Variants in DISC1 observed in about 807,000 individuals in gnomAD.
DISC1 encodes DISC1 scaffold protein, also known as disrupted in schizophrenia 1 protein.
Under a neutral mutation model 84.5 loss-of-function variants are expected in DISC1, and 57 were observed. The ratio of observed to expected loss-of-function variants is 0.67; its 90% confidence interval spans 0.55 to 0.84. The LOEUF is 0.84. DISC1 is among the 40% of genes least tolerant of loss of function. DISC1 has a pLI of 0.00. For missense variants in DISC1, 1,000 were observed against 1,057.8 expected, an observed-to-expected ratio of 0.95 and a Z score of 0.76; for synonymous variants, 411 against 415.2, an observed-to-expected ratio of 0.99 and a Z score of 0.12.
At chr1:231,729,304 G>A (rs1295468209) in intron 3 of DISC1, among the ~76,000 whole-genome samples, 7 of 152,148 alleles carry the variant, frequency 4.6e-5, no homozygotes, top group Non-Finnish European at 5.9e-5. Context: ...ATAAACATAC[G>A]TGTGCATATG....
rs578173791 is a variant in DISC1, at chr1:232,030,858, A to G, written c.2425+4306A>G. Among the ~76,000 whole-genome samples the G allele has an allele frequency of 1.8e-3, 274 of 152,238 alleles. 2 individuals are homozygous for G. The highest frequency in any genetic ancestry group is 6.2e-3 in the African/African-American group (256 of 41,558). ...GCCAGGTGCGGTGGCTTACATCTTA[A>G]TCCCGGCACTTTGGGAGGCTGAGGT... On this transcript the variant is annotated intron_variant, in intron 12 of 12. Transcript: ENST00000439617.
intron 9 of DISC1, among the ~76,000 whole-genome samples, chr1:231,846,356 G>T (rs1412501711): frequency 6.6e-6 from 1 of 152,250 alleles, no homozygotes; most frequent in African/African-American, 2.4e-5. Context: ...GCCTTGGAAT[G>T]CGGGCAGCAT....
intron 11 of DISC1, among the ~76,000 whole-genome samples, chr1:232,025,894 C>T (rs904052469): frequency 3.3e-5 from 5 of 152,166 alleles, no homozygotes; most frequent in African/African-American, 1.2e-4. Context: ...GGCTTAAGCT[C>T]CCATGTATGG....
chr1:231,778,710 G>C (rs1403299564), intron 6 of DISC1, among the ~76,000 whole-genome samples: 2 of 152,198 alleles, frequency 1.3e-5, no homozygotes, highest in Non-Finnish European at 2.9e-5. Flanking sequence ...GAAGAGATTT[G>C]AAAATCCCCC....
chr1:231,870,392 C>G (rs1464476347), intron 9 of DISC1, among the ~76,000 whole-genome samples: 1 of 152,256 alleles, frequency 6.6e-6, no homozygotes, highest in Non-Finnish European at 1.5e-5. Context: ...CTGTCTTCCC[C>G]TCTTTTCCCT....
intron 9 of DISC1, among the ~76,000 whole-genome samples, chr1:231,872,895 T>C (rs200113090): frequency 1.3e-5 from 2 of 152,246 alleles, no homozygotes; most frequent in Non-Finnish European, 2.9e-5. Flanking sequence ...ATTTAAGAAA[T>C]TGGCTTTGAC....
At chr1:231,724,058 G>T in intron 3 of DISC1, 1 of 979,332 alleles carries the variant, frequency 1.0e-6, no homozygotes, top group Non-Finnish European at 1.2e-6. Flanking sequence ...AAAAGTGAAT[G>T]TTGGTCTTCA....
At chr1:231,771,117 C>A in intron 6 of DISC1, 47 bp downstream of exon 6, 1 of 1,516,920 alleles carries the variant, frequency 6.6e-7, no homozygotes. Flanking sequence ...CCTCTTTGAC[C>A]TGTTCATTGG....
At chr1:231,837,607 C>T (rs200834243) in intron 9 of DISC1, among the ~76,000 whole-genome samples, 10 of 152,020 alleles carry the variant, frequency 6.6e-5, no homozygotes, top group African/African-American at 9.7e-5. Flanking sequence ...CTGCTTCACT[C>T]GAAAAACTTA....
chr1:231,806,255 G>A (rs2079699011), intron 8 of DISC1, among the ~76,000 whole-genome samples: 1 of 152,186 alleles, frequency 6.6e-6, no homozygotes, highest in Admixed American at 6.5e-5. Flanking sequence ...CTGATCAGGT[G>A]TCACTCAGTG....
intron 9 of DISC1, among the ~76,000 whole-genome samples, chr1:231,836,159 T>G (rs2082616039): frequency 6.6e-6 from 1 of 152,242 alleles, no homozygotes; most frequent in Non-Finnish European, 1.5e-5. Flanking sequence ...CATCTCATGT[T>G]TTGTACTTCA....
chr1:231,944,734 C>G (rs1005719108), intron 9 of DISC1, among the ~76,000 whole-genome samples: 5 of 152,196 alleles, frequency 3.3e-5, no homozygotes, highest in Non-Finnish European at 5.9e-5. Context: ...ACTGTGCACA[C>G]TCAGAAGCCT....
chr1:231,687,948 G>A (rs2064502979), intron 1 of DISC1, among the ~76,000 whole-genome samples: 1 of 151,762 alleles, frequency 6.6e-6, no homozygotes, highest in Admixed American at 6.6e-5. Flanking sequence ...TTACGTATAT[G>A]TTACCACAAT....
At chr1:231,866,064 A>G (rs922139579) in intron 9 of DISC1, among the ~76,000 whole-genome samples, 1 of 152,144 alleles carries the variant, frequency 6.6e-6, no homozygotes, top group Non-Finnish European at 1.5e-5. Context: ...TACTCAACTC[A>G]TTACTCCTGT....
At chr1:231,762,621 G>C (rs2075848178) in intron 4 of DISC1, among the ~76,000 whole-genome samples, 1 of 151,632 alleles carries the variant, frequency 6.6e-6, no homozygotes, top group African/African-American at 2.4e-5. Flanking sequence ...AAAGTGCTGG[G>C]ATGACAGGCT....
At chr1:231,692,844 C>T (rs1230895028) in intron 1 of DISC1, among the ~76,000 whole-genome samples, 3 of 152,130 alleles carry the variant, frequency 2.0e-5, no homozygotes, top group African/African-American at 4.8e-5. Flanking sequence ...GCTATAGTTT[C>T]GGGTCGGATT....
intron 9 of DISC1, among the ~76,000 whole-genome samples, chr1:231,825,947 T>G (rs7549557): frequency 0.24 from 36,486 of 152,206 alleles, 4,624 homozygotes; most frequent in East Asian, 0.41. Flanking sequence ...CACAGATTTC[T>G]GTATGCACAG....
Position 231,626,838 on chromosome 1 carries a change from G to A in DISC1, c.-30G>A. 1 of 1,428,024 alleles carries A rather than the reference G, an allele frequency of 7.0e-7. No individual in the cohort carries two copies. Among genetic ancestry groups the A allele is most frequent in the Non-Finnish European group, 9.1e-7 (1 of 1,101,794 alleles). The allele number at this position is 1,428,024 out of a possible 1,614,324, so 88.5% of individuals were successfully genotyped here. A position where few individuals can be genotyped will look rare whatever the true frequency, so the allele number is the denominator to read the frequency against. ...GGGGAAGGAGCAGGAGGCAGCCCAG[G>A]CGGAGCGGGAGGAGCTGGCAGCGGG... On this transcript the variant is annotated 5_prime_UTR_variant, in exon 1 of 13. Coordinates refer to ENST00000439617, the MANE Select transcript of DISC1 (RefSeq NM_018662.3).
At chr1:232,011,630 G>A (rs1392825385) in intron 11 of DISC1, among the ~76,000 whole-genome samples, 3 of 152,178 alleles carry the variant, frequency 2.0e-5, no homozygotes, top group Non-Finnish European at 2.9e-5. Context: ...CAACAGGAAG[G>A]AATTTGGTGC....
Sources: allele counts gnomAD v4.1 joint callset (sites outside exome capture counted in the v4.1 genomes callset), GRCh38; gene constraint gnomAD v4.1.1; transcripts MANE v1.5; gene names NCBI Gene and HGNC (gene_info 2026-07-23, HGNC 2026-07-21).